The following ANKAR variants were observed in gnomAD, a reference collection of about 807,000 sequenced individuals.
The protein encoded by ANKAR is ankyrin and armadillo repeat-containing protein.
ANKAR carries 136 observed loss-of-function variants against 146.2 expected under a neutral mutation model. The observed-to-expected ratio is 0.93, with a 90% confidence interval of 0.81 to 1.07. ANKAR has a LOEUF of 1.07. ANKAR is among the 50% of genes least tolerant of loss of function. ANKAR has a pLI of 0.00. For missense variants in ANKAR, 1,567 were observed against 1,679.9 expected (o/e 0.93, Z 1.18); for synonymous variants, 500 against 575.8 (o/e 0.87, Z 1.88).
chr2:189,747,338 CAAAAAAAA>C (rs5837164), downstream of ANKAR: 3 of 75,744 alleles, frequency 4.0e-5, 1 homozygote, highest in African/African-American at 1.6e-4. Context: ...GACCCTGTCT[CAAAAAAAA>C]AAAAAAAAAA....
chr2:189,705,068 C>A lies in ANKAR; in HGVS notation c.1754C>A (p.Thr585Lys). 6.2e-7 allele frequency: 1 copy of A among 1,614,038 alleles called. No homozygotes were observed. The highest frequency in any genetic ancestry group is 8.5e-7 in the Non-Finnish European group (1 of 1,179,996). ...GCTGCACAGGCTTGCTCATTAGAAA[C>A]AACAGTTTGTCTACTGTGTTCCAAA... ...HLAAQACSLETTVCLLCSKAD... is the reference protein window; with the variant it reads ...HLAAQACSLEKTVCLLCSKAD... The change falls in exon 8 of 23, where the codon ACA becomes AAA. Residue 585 changes from threonine to lysine, a missense_variant. By Grantham distance (78) the Thr-to-Lys change is moderately conservative (BLOSUM62 -1). Coordinates refer to ENST00000684021, the MANE Select transcript of ANKAR (RefSeq NM_001378068.1).
chr2:189,746,213 T>C (rs774727391), intron 22 of ANKAR, among the ~76,000 whole-genome samples, 167 bp from the exon 23 acceptor site: 4 of 152,218 alleles, frequency 2.6e-5, no homozygotes, highest in Non-Finnish European at 5.9e-5. Context: ...AACCATATAG[T>C]GGTCCCCACA....
intron 3 of ANKAR, 31 bp downstream of exon 3, chr2:189,689,995 A>G (rs1389144307): frequency 7.2e-7 from 1 of 1,382,598 alleles, no homozygotes. Context: ...CAAATATAAA[A>G]TATAGGTATA....
chr2:189,720,707 T>C lies in ANKAR; in HGVS notation c.2555T>C (p.Ile852Thr). The C allele has an allele frequency of 1.3e-6, 2 of 1,516,316 alleles. No individual in the cohort carries two copies. Among genetic ancestry groups the C allele is most frequent in the Non-Finnish European group, 1.8e-6 (2 of 1,135,746 alleles). The allele number at this position is 1,516,316 out of a possible 1,614,324, so 93.9% of individuals were successfully genotyped here. A position where few individuals can be genotyped will look rare whatever the true frequency, so the allele number is the denominator to read the frequency against. The change falls in exon 12 of 23, where the codon ATA becomes ACA. Residue 852 changes from isoleucine to threonine, a missense_variant. Physicochemically the swap from Ile to Thr is moderately conservative, Grantham distance 89. Coordinates refer to ENST00000684021, the MANE Select transcript of ANKAR (RefSeq NM_001378068.1). ...NVMNCIRVLC[I>T]GNENNQRAVR... ...ATGAACTGTATACGGGTATTGTGTATAGGAAATGAAAACAATCAAAGAGCT... is the reference window on the plus strand; with the variant it reads ...ATGAACTGTATACGGGTATTGTGTACAGGAAATGAAAACAATCAAAGAGCT...
chr2:189,689,718 A>G lies in ANKAR; in HGVS notation c.793A>G (p.Thr265Ala). ...QQYENVFIFE[T>A]GYWLTNAIKY... Reference sequence around the variant, plus strand: ...GTATGAAAATGTCTTTATATTTGAAACAGGCTATTGGCTTACTAATGCTAT... The same window carrying G: ...GTATGAAAATGTCTTTATATTTGAAGCAGGCTATTGGCTTACTAATGCTAT... The change falls in exon 3 of 23, where the codon ACA (threonine) becomes GCA (alanine). Residue 265 changes from threonine (T) to alanine (A), a missense_variant. Transcript: ENST00000684021. 6.2e-7 allele frequency: 1 copy of G among 1,613,604 alleles called. No individual in the cohort carries two copies. Among genetic ancestry groups the G allele is most frequent in the Non-Finnish European group, 8.5e-7 (1 of 1,179,654 alleles).
chr2:189,727,974 GAAAC>G lies in ANKAR; in HGVS notation c.2758_2761del (p.Gln920LeufsTer5). The G allele has an allele frequency of 1.2e-6, 2 of 1,614,006 alleles. No individual in the cohort carries two copies. Among genetic ancestry groups the G allele is most frequent in the Non-Finnish European group, 1.7e-6 (2 of 1,179,976 alleles). ...CTCCTCTGGTGGCTCTTTTTAAAGGGAAACAAATTAGTGTCCAAATGAAAGGTGC... is the reference window on the plus strand; with the variant it reads ...CTCCTCTGGTGGCTCTTTTTAAAGGGAAATTAGTGTCCAAATGAAAGGTGC... On this transcript the variant is annotated frameshift_variant, in exon 13 of 23. Coordinates refer to ENST00000684021, the MANE Select transcript of ANKAR (RefSeq NM_001378068.1). LOFTEE classifies it high-confidence loss of function.
At chr2:189,731,245 AG>A (rs2042367241) in intron 16 of ANKAR, among the ~76,000 whole-genome samples, 1 of 152,222 alleles carries the variant, frequency 6.6e-6, no homozygotes, top group South Asian at 2.1e-4. Flanking sequence ...ATAGATGGCC[AG>A]GCAAGAAATT....
intron 2 of ANKAR, among the ~76,000 whole-genome samples, chr2:189,684,817 G>T: frequency 9.4e-6 from 1 of 106,426 alleles, no homozygotes; most frequent in South Asian, 3.7e-4. Context: ...CTGGGTGACA[G>T]AGACCCTGTC....
chr2:189,736,997 C>T (rs1480667827), intron 17 of ANKAR, among the ~76,000 whole-genome samples: 2 of 150,872 alleles, frequency 1.3e-5, no homozygotes, highest in Non-Finnish European at 2.9e-5. Context: ...TTGCTTGAGC[C>T]TGGGAGGTGG....
At position 189,676,710 on chromosome 2, in the gene ANKAR, C is replaced by G; in HGVS notation, c.220C>G (p.Gln74Glu). 1 of 1,614,150 alleles carries G rather than the reference C, an allele frequency of 6.2e-7. No individual in the cohort carries two copies. The highest frequency in any genetic ancestry group is 8.5e-7 in the Non-Finnish European group (1 of 1,180,044). The change falls in exon 2 of 23, where the codon CAA becomes GAA. Residue 74 changes from glutamine to glutamate, a missense_variant. Coordinates refer to ENST00000684021, the MANE Select transcript of ANKAR (RefSeq NM_001378068.1). The stretch of plus-strand genomic sequence containing the variant: ...AGACCTCCCATGTGGAATTATGAGT[C>G]AAATGAATAACGTAGGCTTCTCCAC... ...QVDLPCGIMS[Q>E]MNNVGFSTAI...
At chr2:189,679,316 T>G (rs2034268439) in intron 2 of ANKAR, among the ~76,000 whole-genome samples, 1 of 152,238 alleles carries the variant, frequency 6.6e-6, no homozygotes, top group Non-Finnish European at 1.5e-5. Context: ...TGATTTTGTA[T>G]GCTGAAACTT....
intron 12 of ANKAR, among the ~76,000 whole-genome samples, chr2:189,727,392 G>A (rs569132392): frequency 2.6e-5 from 4 of 151,852 alleles, no homozygotes; most frequent in South Asian, 2.1e-4. Context: ...AAAATTAGCC[G>A]GGTGTGGTGG....
Position 189,728,828 on chromosome 2 carries a change from A to T in ANKAR, c.3193+7A>T, listed in dbSNP as rs768043156. 6 of 1,603,566 alleles carry T rather than the reference A, an allele frequency of 3.7e-6. No homozygotes were observed. The highest frequency in any genetic ancestry group is 2.2e-5 in the East Asian group (1 of 44,716). On this transcript the variant is annotated splice_region_variant and intron_variant, in intron 15 of 22. Transcript: ENST00000684021. Reference sequence around the variant, plus strand: ...GTGGGATCCATTTGTATTGGTTTGTATACTTATTCTCAATTTCTTAAATAT... The same window carrying T: ...GTGGGATCCATTTGTATTGGTTTGTTTACTTATTCTCAATTTCTTAAATAT...
At chr2:189,722,861 A>G (rs976336496) in intron 12 of ANKAR, among the ~76,000 whole-genome samples, 15 of 151,684 alleles carry the variant, frequency 9.9e-5, no homozygotes, top group African/African-American at 3.6e-4. Context: ...CAGCCTGGCA[A>G]CAGAGAGAGA....
At chr2:189,750,236 G>A (rs372759472), downstream of ANKAR, among the ~76,000 whole-genome samples, 1 of 152,156 alleles carries the variant, frequency 6.6e-6, no homozygotes, top group African/African-American at 2.4e-5. Flanking sequence ...TGAGGAAGTG[G>A]GGGAAAGTCC....
chr2:189,752,561 A>ACCACC, intron 18 of ANKAR: 1 of 1,183,750 alleles, frequency 8.4e-7, no homozygotes, highest in Non-Finnish European at 1.2e-6. Flanking sequence ...GTACCACCAG[A>ACCACC]ATGTCAATGA....
chr2:189,741,482 T>C (rs1225020163), intron 20 of ANKAR, 31 bp downstream of exon 20: 1 of 1,495,056 alleles, frequency 6.7e-7, no homozygotes, highest in Non-Finnish European at 9.2e-7. Flanking sequence ...ATTCTAAAAT[T>C]AAATATGCTA....
chr2:189,730,638 A>G lies in ANKAR; in HGVS notation c.3300+37A>G, dbSNP rs748332824. Reference sequence around the variant, plus strand: ...TACATTGTTTTCTGATATGGTAAAAATTAACAAATATAATTTTAAGAAAAT... The same window carrying G: ...TACATTGTTTTCTGATATGGTAAAAGTTAACAAATATAATTTTAAGAAAAT... On this transcript the variant is annotated intron_variant, in intron 16 of 22. Coordinates refer to ENST00000684021, the MANE Select transcript of ANKAR (RefSeq NM_001378068.1). 28 of 1,075,648 alleles carry G rather than the reference A, an allele frequency of 2.6e-5. No individual in the cohort carries two copies. The East Asian group carries it at 8.3e-4, about 32-fold the overall frequency. The allele number at this position is 1,075,648 out of a possible 1,614,324, so 66.6% of individuals were successfully genotyped here. A position where few individuals can be genotyped will look rare whatever the true frequency, so the allele number is the denominator to read the frequency against.
chr2:189,680,671 C>A (rs1310827623), intron 2 of ANKAR, among the ~76,000 whole-genome samples: 1 of 151,994 alleles, frequency 6.6e-6, no homozygotes, highest in East Asian at 1.9e-4. Context: ...AAATTTCCAT[C>A]TTGATTTCAT....
Sources: gnomAD v4.1 joint callset for allele counts (sites outside exome capture counted in the v4.1 genomes callset) on GRCh38, gnomAD v4.1.1 for gene constraint, MANE v1.5 for transcripts, NCBI Gene and HGNC (gene_info 2026-07-23, HGNC 2026-07-21) for gene names.